Variants in CCDC197 observed in about 807,000 individuals in gnomAD.
CCDC197 encodes the protein uncharacterized protein CCDC197.
Under a neutral mutation model 13.4 loss-of-function variants are expected in CCDC197, and 24 were observed. The observed-to-expected ratio is 1.80, with a 90% CI of 1.30 to 2.53. CCDC197 has a LOEUF of 2.53. CCDC197 is among the 30% of genes most tolerant of loss of function. The probability of loss-of-function intolerance (pLI) is 0.00; values close to 1 mark genes in which losing one functional copy is unlikely to be tolerated. For synonymous variants in CCDC197, 99 were observed against 55.5 expected (o/e 1.78, Z -3.48); for missense variants, 255 against 148.8 (o/e 1.71, Z -3.71).
At chr14:94,010,653 C>T (rs1363068321), downstream of CCDC197, among the ~76,000 whole-genome samples, 6 of 152,292 alleles carry the variant, frequency 3.9e-5, 1 homozygote, top group East Asian at 1.9e-4. Flanking sequence ...GGGACAGAAA[C>T]GCCGGAGTAG....
chr14:93,991,239 C>T (rs1890205382), intron 1 of CCDC197, among the ~76,000 whole-genome samples: 1 of 152,132 alleles, frequency 6.6e-6, no homozygotes, highest in African/African-American at 2.4e-5. Flanking sequence ...GATGAGGAGG[C>T]TACCGTGGGA....
upstream of CCDC197, among the ~76,000 whole-genome samples, chr14:93,996,409 C>CTGGGCTGGCTGGGGCTGATCTCA (rs1567041241): frequency 6.7e-6 from 1 of 148,652 alleles, no homozygotes; most frequent in African/African-American, 2.6e-5. Context: ...TGCCCCTGCC[C>CTGGGCTGGCTGGGGCTGATCTCA]CTGAGCCCAG....
At position 94,006,199 on chromosome 14, in the gene CCDC197, TG is replaced by T. The variant is rs543920523; in HGVS notation, c.615+1231del. Among the ~76,000 whole-genome samples, 947 of 152,322 alleles carry T rather than the reference TG, an allele frequency of 6.2e-3. 14 individuals carry two copies. Among genetic ancestry groups the T allele is most frequent in the South Asian group, 0.038 (183 of 4,828 alleles). Reference sequence around the variant, plus strand: ...ACTTTTTCTAATTTAGCCCTCCTAATGGGTGTGAAGTGGCATCTCATTGTGG... The same window carrying T: ...ACTTTTTCTAATTTAGCCCTCCTAATGGTGTGAAGTGGCATCTCATTGTGG... On this transcript the variant is annotated intron_variant, in intron 6 of 6. Coordinates refer to ENST00000636493, the MANE Select transcript of CCDC197 (RefSeq NM_001351596.2).
Position 94,008,778 on chromosome 14 carries a change from GC to G in CCDC197, c.790del (p.His264MetfsTer?), listed in dbSNP as rs1311978051. 2.8e-6 allele frequency: 2 copies of G among 702,596 alleles called. No homozygotes were observed. 43.5% of individuals were successfully genotyped at this position (702,596 alleles called of 1,614,324 possible). A position where few individuals can be genotyped will look rare whatever the true frequency, so the allele number is the denominator to read the frequency against. The part of the protein sequence containing the change: ...RVSTPRTPFP[S>X]PHASECSGLY ...TCCACCCCCAGGACCCCCTTTCCCA[GC>G]CCCCATGCTTCAGAGTGCTCCGGCC... On this transcript the variant is annotated frameshift_variant, in exon 7 of 7. Coordinates refer to ENST00000636493, the MANE Select transcript of CCDC197 (RefSeq NM_001351596.2). LOFTEE classifies it low-confidence loss of function (END_TRUNC).
At chr14:93,993,890 C>T (rs1322396499), upstream of CCDC197, among the ~76,000 whole-genome samples, 4 of 152,186 alleles carry the variant, frequency 2.6e-5, no homozygotes, top group Admixed American at 2.0e-4. Context: ...GAGAGACCTG[C>T]GCCCCTCACC....
chr14:94,010,474 G>A (rs1453563056), downstream of CCDC197, among the ~76,000 whole-genome samples: 1 of 152,264 alleles, frequency 6.6e-6, no homozygotes, highest in African/African-American at 2.4e-5. Context: ...AAAGTGCTGG[G>A]ATTACAGGCA....
chr14:94,001,007 C>T (rs911274277), intron 3 of CCDC197, 138 bp from the exon 4 acceptor site: 126 of 533,920 alleles, frequency 2.4e-4, no homozygotes, highest in Non-Finnish European at 3.7e-4. Context: ...GACCATCCTA[C>T]TGTCTGGGGT....
intron 1 of CCDC197, among the ~76,000 whole-genome samples, chr14:93,990,581 G>T (rs1890192126): frequency 6.6e-6 from 1 of 152,218 alleles, no homozygotes; most frequent in African/African-American, 2.4e-5. Flanking sequence ...TAGATGGAAT[G>T]ACTGCCCAAG....
chr14:93,994,254 A>C (rs1188050062), upstream of CCDC197, among the ~76,000 whole-genome samples: 1 of 152,190 alleles, frequency 6.6e-6, no homozygotes, highest in Non-Finnish European at 1.5e-5. Flanking sequence ...AGTTCTTAAT[A>C]ATTTTTGTGC....
At chr14:93,990,652 G>A (rs2141339595) in intron 1 of CCDC197, among the ~76,000 whole-genome samples, 1 of 152,302 alleles carries the variant, frequency 6.6e-6, no homozygotes. Context: ...GGACTGTGAG[G>A]GGGCAGCTCT....
rs919726198 is a variant in CCDC197, at chr14:94,001,257, C to T, written c.300C>T (p.Cys100=). Residue 100 remains cysteine, a synonymous_variant, in exon 4 of 7, where the codon TGC becomes TGT. Coordinates refer to ENST00000636493, the MANE Select transcript of CCDC197 (RefSeq NM_001351596.2). ...QDTQKRLEAF[C]QMIQAVHRSL... ...CGCAGAAGCGCCTCGAGGCCTTCTGCCAGATGATCCAGGCTGTCCACCGGA... is the reference window on the plus strand; with the variant it reads ...CGCAGAAGCGCCTCGAGGCCTTCTGTCAGATGATCCAGGCTGTCCACCGGA... 2.6e-6 allele frequency: 2 copies of T among 780,722 alleles called. No homozygotes were observed. Among genetic ancestry groups the T allele is most frequent in the East Asian group, 2.4e-5 (1 of 41,232 alleles). 48.4% of individuals were successfully genotyped at this position (780,722 alleles called of 1,614,324 possible). A position where few individuals can be genotyped will look rare whatever the true frequency, so the allele number is the denominator to read the frequency against.
chr14:93,998,351 G>A (rs935613026), intron 2 of CCDC197, 116 bp downstream of exon 2: 6 of 674,960 alleles, frequency 8.9e-6, no homozygotes, highest in African/African-American at 5.3e-5. Flanking sequence ...TGGATGAGGA[G>A]GGCAGTGTGG....
In CCDC197 at chr14:93,998,236, G is replaced by A. The variant is rs1890381124; in HGVS notation, c.104+1G>A. 1.3e-6 allele frequency: 1 copy of A among 779,360 alleles called. No homozygotes were observed. The highest frequency in any genetic ancestry group is 1.7e-5 in the African/African-American group (1 of 59,106). 48.3% of individuals were successfully genotyped at this position (779,360 alleles called of 1,614,324 possible). ...AGGAACTCTACCAGCTCCAGGCTAA[G>A]TATGTGTTGTCCCACCCCTGCCCCA... On this transcript the variant is annotated splice_donor_variant, in intron 2 of 6. Coordinates refer to ENST00000636493, the MANE Select transcript of CCDC197 (RefSeq NM_001351596.2). LOFTEE classifies it high-confidence loss of function.
At chr14:93,989,457 A>T (rs1890168695) in intron 1 of CCDC197, among the ~76,000 whole-genome samples, 1 of 152,118 alleles carries the variant, frequency 6.6e-6, no homozygotes, top group African/African-American at 2.4e-5. Flanking sequence ...GCTCCTATAC[A>T]TGCAGGAGCC....
chr14:93,990,989 C>A (rs1890201216), intron 1 of CCDC197, among the ~76,000 whole-genome samples: 3 of 152,154 alleles, frequency 2.0e-5, no homozygotes, highest in South Asian at 2.1e-4. Context: ...CAAGGCCAGG[C>A]AGCTCATGAC....
At chr14:94,000,163 A>G (rs1595352476) in intron 3 of CCDC197, among the ~76,000 whole-genome samples, 1 of 152,228 alleles carries the variant, frequency 6.6e-6, no homozygotes, top group East Asian at 1.9e-4. Context: ...GGAGTCACAC[A>G]TATTTATTGT....
chr14:93,994,765 G>C (rs1029001735), upstream of CCDC197, among the ~76,000 whole-genome samples: 1 of 152,196 alleles, frequency 6.6e-6, no homozygotes, highest in Non-Finnish European at 1.5e-5. Flanking sequence ...AGGGACGAGG[G>C]TCTGGCGAGC....
chr14:94,006,287 C>T (rs976946929), intron 6 of CCDC197, among the ~76,000 whole-genome samples: 4 of 151,948 alleles, frequency 2.6e-5, no homozygotes, highest in South Asian at 2.1e-4. Flanking sequence ...GCTTATTGGC[C>T]ATGTGTATCT....
downstream of CCDC197, among the ~76,000 whole-genome samples, chr14:94,011,602 T>C (rs906405717): frequency 7.2e-5 from 11 of 152,234 alleles, no homozygotes; most frequent in Admixed American, 6.5e-4. Context: ...CCCTGCACCT[T>C]CAAAGCACTT....
Sources: allele counts gnomAD v4.1 joint callset (sites outside exome capture counted in the v4.1 genomes callset), GRCh38; gene constraint gnomAD v4.1.1; transcripts MANE v1.5; gene names NCBI Gene and HGNC (gene_info 2026-07-23, HGNC 2026-07-21).